CWC22: variants seen among roughly 807,000 people sequenced by gnomAD.
The protein encoded by CWC22 is CWC22 spliceosome associated protein, also known as pre-mRNA-splicing factor CWC22 homolog.
In CWC22, 53 loss-of-function variants were observed where a neutral mutation model predicts 117.2. That is an observed-to-expected ratio of 0.45 (90% CI 0.36 to 0.57). CWC22 has a LOEUF of 0.57. CWC22 is among the 20% of genes least tolerant of loss of function. The pLI is 0.00. For synonymous variants in CWC22, 360 were observed against 355.6 expected (o/e 1.01, Z -0.14); for missense variants, 980 against 1,068.8 (o/e 0.92, Z 1.16).
At chr2:179,970,393 C>A in intron 11 of CWC22, 108 bp downstream of exon 11, 1 of 1,112,610 alleles carries the variant, frequency 9.0e-7, no homozygotes. Context: ...TTTATAAGAG[C>A]AGCGATTCAT....
intron 1 of CWC22, among the ~76,000 whole-genome samples, chr2:179,999,135 C>CA (rs1234308324): frequency 6.6e-6 from 1 of 152,010 alleles, no homozygotes; most frequent in Non-Finnish European, 1.5e-5. Context: ...ATAGTTCTAA[C>CA]AAAAAATGAA....
rs1386437889 is a variant in CWC22, at chr2:179,952,562, T to C, written c.1726A>G (p.Thr576Ala). 1.3e-6 allele frequency: 2 copies of C among 1,517,050 alleles called. No homozygotes were observed. Among genetic ancestry groups the C allele is most frequent in the African/African-American group, 1.4e-5 (1 of 72,320 alleles). 94.0% of individuals were successfully genotyped at this position (1,517,050 alleles called of 1,614,324 possible). Reference sequence around the variant, plus strand: ...TTGACAAAAATTCTACTGGATGATGTAGTGGTTTCTTCACTCAGTTTTATA... The same window carrying C: ...TTGACAAAAATTCTACTGGATGATGCAGTGGTTTCTTCACTCAGTTTTATA... Reference protein sequence around the residue: ...ECIKLSEETTTSSSRIFVKIF... With the variant: ...ECIKLSEETTASSSRIFVKIF... The change falls in exon 17 of 20, where the codon ACA becomes GCA. Residue 576 changes from threonine (T) to alanine (A), a missense_variant. By Grantham distance (58) the Thr-to-Ala change is moderately conservative (BLOSUM62 0). Transcript: ENST00000410053.
At chr2:179,960,289 T>C (rs1483832644) in intron 13 of CWC22, among the ~76,000 whole-genome samples, 1 of 151,862 alleles carries the variant, frequency 6.6e-6, no homozygotes, top group Non-Finnish European at 1.5e-5. Flanking sequence ...TCTCAAAGAG[T>C]GCTTCCCAAT....
At chr2:179,959,999 G>C (rs937927641) in intron 13 of CWC22, among the ~76,000 whole-genome samples, 4 of 151,902 alleles carry the variant, frequency 2.6e-5, no homozygotes, top group Admixed American at 6.6e-5. Context: ...AGATAAAAGG[G>C]TTTCTATTCT....
intron 2 of CWC22, among the ~76,000 whole-genome samples, chr2:179,992,020 T>C (rs1687581124): frequency 6.6e-6 from 1 of 152,212 alleles, no homozygotes; most frequent in Non-Finnish European, 1.5e-5. Flanking sequence ...AGTCTATCAG[T>C]TCAGCTTAAT....
At position 179,965,977 on chromosome 2, in the gene CWC22, G is replaced by T. The variant is rs767185449; in HGVS notation, c.1216C>A (p.Leu406Ile). The stretch of plus-strand genomic sequence containing the variant: ...TTCGAGTCAGTATCTCCCTCATCAA[G>T]AATTTCTGTAAAGTACAAAGTAAGT... ...EKYKAIKKEI[L>I]DEGDTDSNTD... Residue 406 changes from leucine to isoleucine, a missense_variant, in exon 12 of 20, where the codon CTT (leucine) becomes ATT (isoleucine). Leu to Ile is a conservative substitution (Grantham distance 5). Around this residue, in one of 3 missense-constraint regions of CWC22, gnomAD observed 559 missense variants for 602.3 expected, o/e 0.93. Transcript: ENST00000410053. The T allele has an allele frequency of 6.2e-7, 1 of 1,607,672 alleles. No homozygotes were observed. Among genetic ancestry groups the T allele is most frequent in the Admixed American group, 1.7e-5 (1 of 59,506 alleles).
chr2:180,004,243 T>C (rs890436085), intron 1 of CWC22, among the ~76,000 whole-genome samples: 3 of 152,198 alleles, frequency 2.0e-5, no homozygotes, highest in Non-Finnish European at 4.4e-5. Flanking sequence ...GGACAATAAA[T>C]TGAAAATATT....
chr2:179,946,411 G>T (rs1318996265), intron 19 of CWC22, among the ~76,000 whole-genome samples: 11 of 116,090 alleles, frequency 9.5e-5, no homozygotes, highest in African/African-American at 3.6e-4. Context: ...AGAATGCACC[G>T]CTACACCCCA....
chr2:179,971,907 G>T (rs1050121331), intron 8 of CWC22, among the ~76,000 whole-genome samples: 14 of 152,158 alleles, frequency 9.2e-5, no homozygotes, highest in Non-Finnish European at 2.1e-4. Flanking sequence ...ACTAGGGGAG[G>T]AGGGGTGTCA....
chr2:179,992,302 T>G (rs1398665969), intron 2 of CWC22, among the ~76,000 whole-genome samples: 2 of 152,204 alleles, frequency 1.3e-5, no homozygotes, highest in Admixed American at 6.5e-5. Context: ...CGAAAGCAGA[T>G]GGAATTACTG....
At chr2:180,001,834 C>T (rs2105566343) in intron 1 of CWC22, among the ~76,000 whole-genome samples, 1 of 152,350 alleles carries the variant, frequency 6.6e-6, no homozygotes, top group Admixed American at 6.5e-5. Flanking sequence ...TACAGGGACA[C>T]CACCTTCATT....
rs370473169 is a variant in CWC22 at position 179,950,548 on chromosome 2, C to T, written c.2104G>A (p.Asp702Asn). ...SSSESSSEES[D>N]SSSISSHSSA... The stretch of plus-strand genomic sequence containing the variant: ...CTATGACTACTGATGGATGAAGAGT[C>T]GCTCTCTTCACTGGAAGACTCTGAA... The change falls in exon 19 of 20, where the codon GAC (aspartate) becomes AAC (asparagine). Residue 702 changes from aspartate to asparagine, a missense_variant. Asp to Asn is a conservative substitution (Grantham distance 23, BLOSUM62 1). Coordinates refer to ENST00000410053, the MANE Select transcript of CWC22 (RefSeq NM_020943.3). 4.3e-6 allele frequency: 7 copies of T among 1,611,836 alleles called. No individual in the cohort carries two copies. The highest frequency in any genetic ancestry group is 1.7e-5 in the Admixed American group (1 of 59,800).
intron 13 of CWC22, among the ~76,000 whole-genome samples, chr2:179,961,475 A>G (rs1363080022): frequency 6.6e-6 from 1 of 152,068 alleles, no homozygotes; most frequent in Non-Finnish European, 1.5e-5. Flanking sequence ...TATATAACAG[A>G]TAATATTAAA....
chr2:179,992,127 A>C (rs1165215248), intron 2 of CWC22, among the ~76,000 whole-genome samples: 2 of 152,208 alleles, frequency 1.3e-5, no homozygotes, highest in African/African-American at 4.8e-5. Context: ...AGAGGATAGG[A>C]AGGGAGGAGT....
At position 179,986,767 on chromosome 2, in the gene CWC22, T is replaced by C. The variant is rs371852996; in HGVS notation, c.134A>G (p.Tyr45Cys). 31 of 1,608,912 alleles carry C rather than the reference T, an allele frequency of 1.9e-5. No homozygotes were observed. Among genetic ancestry groups the C allele is most frequent in the Admixed American group, 1.7e-4 (10 of 59,636 alleles). ...ATAGTCTGATCTGCTGTAATCAAAG[T>C]AATCTCTATCCCGGGGGGATCGTTC... is the stretch of plus-strand genomic sequence containing the variant. Reference protein sequence around the residue: ...EQERSPRDRDYFDYSRSDYEH... With the variant: ...EQERSPRDRDCFDYSRSDYEH... Residue 45 changes from tyrosine (Y) to cysteine (C), a missense_variant, in exon 4 of 20, where the codon TAC becomes TGC. Transcript: ENST00000410053.
chr2:179,954,411 G>T, intron 15 of CWC22, 54 bp from the exon 16 acceptor site: 4 of 1,120,044 alleles, frequency 3.6e-6, no homozygotes, highest in Non-Finnish European at 3.8e-6. Context: ...ACAATTATGA[G>T]CATATTAAAT....
intron 1 of CWC22, among the ~76,000 whole-genome samples, chr2:180,002,761 A>G (rs1687877392): frequency 6.6e-6 from 1 of 152,232 alleles, no homozygotes; most frequent in Non-Finnish European, 1.5e-5. Flanking sequence ...AATTATCCAT[A>G]TCGAAAGGGG....
At chr2:179,988,190 CT>C (rs1434688278) in intron 3 of CWC22, among the ~76,000 whole-genome samples, 1 of 152,088 alleles carries the variant, frequency 6.6e-6, no homozygotes, top group Admixed American at 6.6e-5. Context: ...TTGGGGACCC[CT>C]GTTATAATCT....
In CWC22 at chr2:179,988,768, T is replaced by C. The variant is rs1687484635; in HGVS notation, c.28-124A>G. ...TGTATCAAAACATTTTTTAAATCATTAAGAATAATTCATGTAACCTAAACA... is the reference window on the plus strand; with the variant it reads ...TGTATCAAAACATTTTTTAAATCATCAAGAATAATTCATGTAACCTAAACA... On this transcript the variant is annotated intron_variant, in intron 2 of 19. Transcript: ENST00000410053. The C allele has an allele frequency of 1.8e-5, 10 of 547,346 alleles. No homozygotes were observed. In the South Asian group the frequency reaches 3.2e-4, roughly 18 times the overall value. The allele number at this position is 547,346 out of a possible 1,614,324, so 33.9% of individuals were successfully genotyped here.
Sources: allele counts gnomAD v4.1 joint callset (sites outside exome capture counted in the v4.1 genomes callset), GRCh38; gene constraint gnomAD v4.1.1; regional missense constraint gnomAD v4.1.1; transcripts MANE v1.5; gene names NCBI Gene and HGNC (gene_info 2026-07-23, HGNC 2026-07-21).